NF2: variants seen among roughly 807,000 people sequenced by gnomAD.
NF2 encodes the protein NF2, moesin-ezrin-radixin like (MERLIN) tumor suppressor.
In NF2, 8 loss-of-function variants were observed where a neutral mutation model predicts 83.7. That is an observed-to-expected ratio of 0.10 (90% CI 0.06 to 0.17). The LOEUF (loss-of-function observed/expected upper bound fraction) is 0.17, where lower values mean the gene tolerates loss of function less well. Among genes scored for constraint, NF2 ranks in the 10% least tolerant of loss-of-function variants. The pLI, the probability that NF2 is intolerant of heterozygous loss-of-function variation, is 1.00. For synonymous variants in NF2, 266 were observed against 269.6 expected, an observed-to-expected ratio of 0.99 and a Z score of 0.13; for missense variants, 533 against 744.4, an observed-to-expected ratio of 0.72 and a Z score of 3.31.
Position 29,673,442 on chromosome 22 carries a change from A to T in NF2, c.1296A>T (p.Glu432Asp). 6.2e-7 allele frequency: 1 copy of T among 1,612,306 alleles called. No individual in the cohort carries two copies. The highest frequency in any genetic ancestry group is 8.5e-7 in the Non-Finnish European group (1 of 1,179,584). Residue 432 changes from glutamate (E) to aspartate (D), a missense_variant, in exon 12 of 16, where the codon GAA becomes GAT. Glu to Asp is a conservative substitution (Grantham distance 45, BLOSUM62 2). This residue lies in a region of NF2 where 199 missense variants were observed against 240.7 expected (regional missense o/e 0.83). Coordinates refer to ENST00000338641, the MANE Select transcript of NF2 (RefSeq NM_000268.4). ...GCCTGATGGAGCAGAAGGTGCTGGA[A>T]GCCGAGGTGCTGGCACTGAAGATGG... ...EKRLMEQKVL[E>D]AEVLALKMAE...
intron 6 of NF2, among the ~76,000 whole-genome samples, chr22:29,657,211 CA>C (rs1168465722): frequency 1.3e-5 from 2 of 152,118 alleles, no homozygotes; most frequent in Non-Finnish European, 2.9e-5. Context: ...TGGCGTTGCC[CA>C]TCTTAAACTT....
chr22:29,674,766 G>A, intron 12 of NF2, 70 bp from the exon 13 acceptor site: 1 of 1,366,556 alleles, frequency 7.3e-7, no homozygotes, highest in South Asian at 1.3e-5. Flanking sequence ...TCCTCTGCAG[G>A]GGTGGGGTGG....
Position 29,653,172 on chromosome 22 carries a change from G to A in NF2, c.448-1485G>A, listed in dbSNP as rs184497502. ...TTAAATTTGACAAATTAGGCCAGGC[G>A]CGGTGGCTGACGCCTGTAATCTCAG... On this transcript the variant is annotated intron_variant, in intron 4 of 15. Coordinates refer to ENST00000338641, the MANE Select transcript of NF2 (RefSeq NM_000268.4). Among the ~76,000 whole-genome samples the A allele has an allele frequency of 1.8e-3, 270 of 152,260 alleles. 1 individual carries two copies. The highest frequency in any genetic ancestry group is 6.8e-3 in the Middle Eastern group (2 of 294).
At chr22:29,624,805 CTT>C (rs759725159) in intron 1 of NF2, among the ~76,000 whole-genome samples, 1 of 35,650 alleles carries the variant, frequency 2.8e-5, no homozygotes, top group Admixed American at 2.7e-4. Flanking sequence ...GGTCCTCTTT[CTT>C]TCTTTCTTTC....
At chr22:29,650,156 C>T (rs1167548334) in intron 4 of NF2, among the ~76,000 whole-genome samples, 1 of 151,986 alleles carries the variant, frequency 6.6e-6, no homozygotes, top group Non-Finnish European at 1.5e-5. Context: ...GATGGTTGCA[C>T]AAGATTCTGA....
intron 15 of NF2, chr22:29,684,202 G>A (rs1442153361): frequency 6.4e-6 from 1 of 156,056 alleles, no homozygotes; most frequent in Non-Finnish European, 1.4e-5. Context: ...TGTTTTGTAT[G>A]CGACACTTTC....
chr22:29,674,754 C>G, intron 12 of NF2, 82 bp from the exon 13 acceptor site: 1 of 1,237,492 alleles, frequency 8.1e-7, no homozygotes, highest in South Asian at 1.3e-5. Context: ...AGCCCAGGTC[C>G]CTCCTCTGCA....
chr22:29,642,149 C>G (rs1052770311), intron 3 of NF2, 53 bp from the exon 4 acceptor site: 4 of 1,423,060 alleles, frequency 2.8e-6, no homozygotes, highest in Admixed American at 1.7e-5. Context: ...GATCAGCCTA[C>G]ACACCTCACT....
chr22:29,656,436 G>A (rs1390573128), intron 6 of NF2, among the ~76,000 whole-genome samples: 4 of 134,016 alleles, frequency 3.0e-5, no homozygotes, highest in African/African-American at 5.7e-5. Flanking sequence ...TTTTTGAGAC[G>A]GAGTCTCACT....
intron 12 of NF2, among the ~76,000 whole-genome samples, chr22:29,674,484 G>A (rs901269248): frequency 1.6e-4 from 25 of 152,166 alleles, no homozygotes; most frequent in African/African-American, 5.1e-4. Flanking sequence ...GATCCTCCAG[G>A]TTCTTCCTTT....
chr22:29,681,932 A>G (rs1285734625), intron 15 of NF2, among the ~76,000 whole-genome samples: 1 of 152,162 alleles, frequency 6.6e-6, no homozygotes, highest in African/African-American at 2.4e-5. Flanking sequence ...GCCTTACTTT[A>G]TGAGAAAGCA....
chr22:29,654,863 G>C, intron 5 of NF2, 138 bp downstream of exon 5: 1 of 737,730 alleles, frequency 1.4e-6, no homozygotes, highest in Non-Finnish European at 2.4e-6. Flanking sequence ...CCAGTAAACA[G>C]TGTGGGATCT....
At chr22:29,606,421 TC>T (rs1486736326) in intron 1 of NF2, among the ~76,000 whole-genome samples, 3 of 152,236 alleles carry the variant, frequency 2.0e-5, no homozygotes, top group Non-Finnish European at 4.4e-5. Context: ...AGTGCTCAGT[TC>T]CTAGAGTGAG....
intron 7 of NF2, among the ~76,000 whole-genome samples, 158 bp downstream of exon 7, chr22:29,658,422 A>C (rs2066379561): frequency 6.6e-6 from 1 of 152,142 alleles, no homozygotes; most frequent in Non-Finnish European, 1.5e-5. Context: ...TTAGTGCCTA[A>C]CTTTCTATTT....
rs370016332 is a variant in NF2, at chr22:29,694,854, C to G, written c.*52C>G. Reference sequence around the variant, plus strand: ...GCCACTTCTCCTGCTACCGGGACCGCGGGATGGACCAGATATCAAGAGAGC... The same window carrying G: ...GCCACTTCTCCTGCTACCGGGACCGGGGGATGGACCAGATATCAAGAGAGC... On this transcript the variant is annotated 3_prime_UTR_variant, in exon 16 of 16. Transcript: ENST00000338641. The surrounding 1 kb of genome is among the most constrained non-coding windows in gnomAD (Gnocchi z 4.1). 1 of 1,572,496 alleles carries G rather than the reference C, an allele frequency of 6.4e-7. No homozygotes were observed. The highest frequency in any genetic ancestry group is 1.7e-5 in the Admixed American group (1 of 57,628).
chr22:29,690,153 C>T (rs1183126128), intron 15 of NF2, among the ~76,000 whole-genome samples: 4 of 152,208 alleles, frequency 2.6e-5, no homozygotes, highest in South Asian at 4.1e-4. Flanking sequence ...CTCAGAAGTA[C>T]CCTAATGGGC....
At chr22:29,687,863 C>G (rs1403393683) in intron 15 of NF2, among the ~76,000 whole-genome samples, 1 of 152,184 alleles carries the variant, frequency 6.6e-6, no homozygotes, top group Non-Finnish European at 1.5e-5. Flanking sequence ...GCATAGCACA[C>G]TGGGAAGAAA....
chr22:29,695,899 A>G lies in NF2; in HGVS notation c.*1097A>G, dbSNP rs2067538090. The G allele has an allele frequency of 4.3e-6, 1 of 233,344 alleles. No individual in the cohort carries two copies. The highest frequency in any genetic ancestry group is 2.2e-5 in the African/African-American group (1 of 45,288). The allele number at this position is 233,344 out of a possible 1,614,324, so 14.5% of individuals were successfully genotyped here. ...CTGAATTTTCTGTTCCCTGGGGGCCAGCCAGGGCCCTTTGTGCCCCTCCCA... is the reference window on the plus strand; with the variant it reads ...CTGAATTTTCTGTTCCCTGGGGGCCGGCCAGGGCCCTTTGTGCCCCTCCCA... On this transcript the variant is annotated 3_prime_UTR_variant, in exon 16 of 16. Transcript: ENST00000338641. The surrounding 1 kb of genome is among the most constrained non-coding windows in gnomAD (Gnocchi z 5.4).
intron 1 of NF2, among the ~76,000 whole-genome samples, chr22:29,617,898 A>G (rs2065119778): frequency 2.0e-5 from 3 of 152,296 alleles, no homozygotes; most frequent in East Asian, 3.9e-4. Context: ...AAATACTTCT[A>G]CTTTGGACAA....
Sources: gnomAD v4.1 joint callset for allele counts (sites outside exome capture counted in the v4.1 genomes callset) on GRCh38, gnomAD v4.1.1 for gene constraint, gnomAD v4.1.1 regional missense constraint, Gnocchi (gnomAD v3.1) non-coding constraint, MANE v1.5 for transcripts, NCBI Gene and HGNC (gene_info 2026-07-23, HGNC 2026-07-21) for gene names.